The following ARHGAP33 variants were observed in gnomAD, a reference collection of about 807,000 sequenced individuals.
ARHGAP33 encodes the protein Rho GTPase activating protein 33.
A neutral mutation model predicts 126.2 loss-of-function variants in ARHGAP33; 57 were observed. The observed-to-expected ratio is 0.45, with a 90% CI of 0.36 to 0.56. The LOEUF (loss-of-function observed/expected upper bound fraction) is 0.56, where lower values mean the gene tolerates loss of function less well. ARHGAP33 is among the 20% of genes least tolerant of loss of function. The pLI, the probability that ARHGAP33 is intolerant of heterozygous loss-of-function variation, is 0.00. For synonymous variants in ARHGAP33, 711 were observed against 755.0 expected (o/e 0.94, Z 0.95); for missense variants, 1,500 against 1,748.3 (o/e 0.86, Z 2.53).
At position 35,778,562 on chromosome 19, in the gene ARHGAP33, G is replaced by A. The variant is rs770886534; in HGVS notation, c.369G>A (p.Pro123=). Residue 123 remains proline (P), a synonymous_variant, in exon 5 of 21, where the codon CCG becomes CCA. Coordinates refer to ENST00000007510, the MANE Select transcript of ARHGAP33 (RefSeq NM_001366178.1). ...CIFDRRFSCL[P]ELPPPPEGAR... ...TTGACCGGAGGTTCTCCTGCCTTCC[G>A]GAGCTTCCCCCGCCCCCCGAGGGTG... 507 of 1,613,970 alleles carry A rather than the reference G, an allele frequency of 3.1e-4. 1 individual carries two copies. Among genetic ancestry groups the A allele is most frequent in the Non-Finnish European group, 4.1e-4 (485 of 1,180,020 alleles).
intron 12 of ARHGAP33, among the ~76,000 whole-genome samples, chr19:35,781,722 A>G (rs1237252050): frequency 6.6e-6 from 1 of 152,108 alleles, no homozygotes; most frequent in Non-Finnish European, 1.5e-5. Context: ...AGGGAGCAGC[A>G]GGGCAAAGGG....
At position 35,780,426 on chromosome 19, in the gene ARHGAP33, A is replaced by T; in HGVS notation, c.630A>T (p.Gly210=). The T allele has an allele frequency of 6.3e-7, 1 of 1,596,278 alleles. No individual in the cohort carries two copies. The highest frequency in any genetic ancestry group is 8.6e-7 in the Non-Finnish European group (1 of 1,168,856). Reference sequence around the variant, plus strand: ...TCCCACCCGCCCTCTCCCAGGTGGGAGACATTGTCTCGGTGATCGACATGC... The same window carrying T: ...TCCCACCCGCCCTCTCCCAGGTGGGTGACATTGTCTCGGTGATCGACATGC... ...QAPDELSFEV[G]DIVSVIDMPP... Residue 210 remains glycine, a synonymous_variant, in exon 8 of 21, where the codon GGA becomes GGT. Coordinates refer to ENST00000007510, the MANE Select transcript of ARHGAP33 (RefSeq NM_001366178.1).
chr19:35,784,850 G>A, intron 16 of ARHGAP33, 103 bp from the exon 17 acceptor site: 1 of 1,402,740 alleles, frequency 7.1e-7, no homozygotes. Flanking sequence ...GCCAGCCCGG[G>A]TGGGCATGCT....
chr19:35,784,388 G>A (rs1971977230), intron 16 of ARHGAP33, 71 bp downstream of exon 16: 1 of 1,469,736 alleles, frequency 6.8e-7, no homozygotes, highest in African/African-American at 1.5e-5. Context: ...GAGGGCAGGT[G>A]GGCTCCCAGT....
At chr19:35,777,482 T>A (rs1312861749) in intron 1 of ARHGAP33, 163 bp from the exon 2 acceptor site, 2 of 643,166 alleles carry the variant, frequency 3.1e-6, no homozygotes, top group Non-Finnish European at 5.6e-6. Flanking sequence ...GAAGCAGTCC[T>A]GTCCTCAGCC....
intron 1 of ARHGAP33, among the ~76,000 whole-genome samples, chr19:35,777,276 G>A (rs1971504518): frequency 6.6e-6 from 1 of 152,178 alleles, no homozygotes; most frequent in Non-Finnish European, 1.5e-5. Context: ...GGCAGGAGGG[G>A]AGAGGCTGGA....
intron 6 of ARHGAP33, 85 bp from the exon 7 acceptor site, chr19:35,780,126 G>A (rs1971676201): frequency 6.4e-7 from 1 of 1,557,924 alleles, no homozygotes; most frequent in Non-Finnish European, 8.7e-7. Context: ...GCGGGCAGTG[G>A]CCTCACCCAG....
At position 35,780,597 on chromosome 19, in the gene ARHGAP33, A is replaced by T. The variant is rs765075374; in HGVS notation, c.718A>T (p.Ser240Cys). The part of the protein sequence containing the change: ...KRGFQVGFFP[S>C]ECVELFTERP... ...CCTTCCTCAGGTCGGGTTCTTCCCC[A>T]GTGAGTGTGTGGAACTCTTCACAGA... is the stretch of plus-strand genomic sequence containing the variant. Residue 240 changes from serine to cysteine, a missense_variant, in exon 9 of 21, where the codon AGT (serine) becomes TGT (cysteine). Around this residue, in one of 6 missense-constraint regions of ARHGAP33, gnomAD observed 281 missense variants for 413.7 expected, o/e 0.68. Transcript: ENST00000007510. 1 of 1,528,526 alleles carries T rather than the reference A, an allele frequency of 6.5e-7. No homozygotes were observed. Among genetic ancestry groups the T allele is most frequent in the Non-Finnish European group, 8.9e-7 (1 of 1,127,728 alleles). The allele number at this position is 1,528,526 out of a possible 1,614,324, so 94.7% of individuals were successfully genotyped here. A position where few individuals can be genotyped will look rare whatever the true frequency, so the allele number is the denominator to read the frequency against.
In ARHGAP33 at chr19:35,781,235, C is replaced by T. The variant is rs1971758305; in HGVS notation, c.1068C>T (p.Ser356=). The T allele has an allele frequency of 2.5e-6, 4 of 1,614,164 alleles. No homozygotes were observed. Among genetic ancestry groups the T allele is most frequent in the Middle Eastern group, 1.6e-4 (1 of 6,062 alleles). ...DGIYRLSGVS[S]NIQRLRHEFD... is the part of the protein sequence containing the mutation. ...TCTACCGGCTCTCAGGCGTGTCTTC[C>T]AACATCCAGAGGCTTCGGTGAGGGC... The change falls in exon 12 of 21, where the codon TCC becomes TCT. Residue 356 remains serine (S), a synonymous_variant. Transcript: ENST00000007510.
intron 15 of ARHGAP33, among the ~76,000 whole-genome samples, chr19:35,783,394 G>A (rs565097607): frequency 6.6e-5 from 10 of 152,336 alleles, no homozygotes; most frequent in African/African-American, 2.2e-4. Flanking sequence ...AGAAAGGCCA[G>A]GGGTACAGAG....
Position 35,778,415 on chromosome 19 carries a change from G to C in ARHGAP33, c.271-49G>C, listed in dbSNP as rs747378107. The stretch of plus-strand genomic sequence containing the variant: ...GAGAGAATGGCCACTGTAGTCCTCA[G>C]CTCGGTGTCATGGGGCCCCTGCTCC... On this transcript the variant is annotated intron_variant, in intron 4 of 20. Transcript: ENST00000007510. 14 of 1,614,028 alleles carry C rather than the reference G, an allele frequency of 8.7e-6. No homozygotes were observed. The Admixed American group carries it at 1.2e-4, about 13-fold the overall frequency.
chr19:35,776,452 G>A (rs985696245), intron 1 of ARHGAP33, among the ~76,000 whole-genome samples: 29 of 152,152 alleles, frequency 1.9e-4, no homozygotes, highest in Admixed American at 1.3e-3. Flanking sequence ...CCTGCCTTGG[G>A]GAACCTTATG....
Position 35,777,713 on chromosome 19 carries a change from G to T in ARHGAP33, c.75G>T (p.Gly25=), listed in dbSNP as rs771492571. The T allele has an allele frequency of 6.2e-7, 1 of 1,607,062 alleles. No homozygotes were observed. The highest frequency in any genetic ancestry group is 1.1e-5 in the South Asian group (1 of 90,252). ...TGCAGCCTCTACCCACTGCTGGGGG[G>T]CCCAGTGTGAAGGGGAAGCCTGGGA... ...GSVQPLPTAG[G]PSVKGKPGKR... is the part of the protein sequence containing the mutation. The change falls in exon 2 of 21, where the codon GGG becomes GGT. Residue 25 remains glycine, a synonymous_variant. Transcript: ENST00000007510.
In ARHGAP33 at chr19:35,788,398, A is replaced by G. The variant is rs774537045; in HGVS notation, c.3833A>G (p.His1278Arg). ...PPYPTPSWSLHSEGQTRSYC is the reference protein window; with the variant it reads ...PPYPTPSWSLRSEGQTRSYC ...TACCCCACTCCCAGCTGGTCCCTCCACTCTGAGGGCCAGACCCGAAGCTAC... is the reference window on the plus strand; with the variant it reads ...TACCCCACTCCCAGCTGGTCCCTCCGCTCTGAGGGCCAGACCCGAAGCTAC... Residue 1278 changes from histidine (H) to arginine (R), a missense_variant, in exon 21 of 21, where the codon CAC (histidine) becomes CGC (arginine). Physicochemically the swap from His to Arg is conservative, Grantham distance 29. This residue lies in a region of ARHGAP33 where 642 missense variants were observed against 634.0 expected (regional missense o/e 1.01). Transcript: ENST00000007510. 13 of 1,578,298 alleles carry G rather than the reference A, an allele frequency of 8.2e-6. No individual in the cohort carries two copies. The highest frequency in any genetic ancestry group is 1.4e-5 in the African/African-American group (1 of 73,838).
rs1384836497 is a variant in ARHGAP33 at position 35,780,297 on chromosome 19, G to A, written c.588G>A (p.Arg196=). The A allele has an allele frequency of 2.5e-6, 4 of 1,613,866 alleles. No homozygotes were observed. The Admixed American group carries it at 6.7e-5, about 27-fold the overall frequency. ...PAVAAAHVIK[R]YTAQAPDELS... ...TGGCGGCCGCCCATGTGATCAAACG[G>A]TATACAGCCCAGGCGCCAGATGAGC... Residue 196 remains arginine, a synonymous_variant, in exon 7 of 21, where the codon CGG becomes CGA. Coordinates refer to ENST00000007510, the MANE Select transcript of ARHGAP33 (RefSeq NM_001366178.1).
chr19:35,782,525 AG>A lies in ARHGAP33; in HGVS notation c.1230+11del. On this transcript the variant is annotated intron_variant, in intron 13 of 20. Transcript: ENST00000007510. The surrounding 1 kb of genome is among the most constrained non-coding windows in gnomAD (Gnocchi z 4.1). The stretch of plus-strand genomic sequence containing the variant: ...CTCTATGGGAAGTTCAGTGTGAGTA[AG>A]GGAGCTGGCGGGACGGAGGGGGCCG... 1.2e-6 allele frequency: 2 copies of A among 1,613,434 alleles called. No individual in the cohort carries two copies. The highest frequency in any genetic ancestry group is 1.7e-6 in the Non-Finnish European group (2 of 1,179,496).
chr19:35,776,977 G>T (rs10409741), intron 1 of ARHGAP33, among the ~76,000 whole-genome samples: 32,357 of 152,084 alleles, frequency 0.21, 3,617 homozygotes, highest in East Asian at 0.34. Context: ...AAGGTGGGGC[G>T]AGTGTTCCAG....
At position 35,785,423 on chromosome 19, in the gene ARHGAP33, A is replaced by G. The variant is rs1236290970; in HGVS notation, c.1882A>G (p.Thr628Ala). ...CTCTCCTGCAGGCAGCAGACCCGACACCGTCACACTGAGATCTGCCAAGAG... is the reference window on the plus strand; with the variant it reads ...CTCTCCTGCAGGCAGCAGACCCGACGCCGTCACACTGAGATCTGCCAAGAG... ...PPQPSGSRPD[T>A]VTLRSAKSEE... The change falls in exon 19 of 21, where the codon ACC becomes GCC. Residue 628 changes from threonine (T) to alanine (A), a missense_variant. By Grantham distance (58) the Thr-to-Ala change is moderately conservative. Transcript: ENST00000007510. The G allele has an allele frequency of 6.2e-7, 1 of 1,614,102 alleles. No homozygotes were observed.
chr19:35,781,341 AC>A, intron 12 of ARHGAP33, 89 bp downstream of exon 12: 1 of 1,335,130 alleles, frequency 7.5e-7, no homozygotes, highest in Non-Finnish European at 1.1e-6. Context: ...GGACACAGTT[AC>A]CAGGAGTCAG....
Sources: allele counts gnomAD v4.1 joint callset (sites outside exome capture counted in the v4.1 genomes callset), GRCh38; gene constraint gnomAD v4.1.1; regional missense constraint gnomAD v4.1.1; non-coding constraint Gnocchi (gnomAD v3.1); transcripts MANE v1.5; gene names NCBI Gene and HGNC (gene_info 2026-07-23, HGNC 2026-07-21).